Variants in CCDC146 observed in about 807,000 individuals in gnomAD.
The protein encoded by CCDC146 is coiled-coil domain-containing protein 146.
CCDC146 carries 92 observed loss-of-function variants against 119.3 expected under a neutral mutation model. That is an observed-to-expected ratio of 0.77 (90% CI 0.65 to 0.92). The LOEUF (loss-of-function observed/expected upper bound fraction) is 0.92. Among genes scored for constraint, CCDC146 ranks in the 40% least tolerant of loss-of-function variants. CCDC146 has a pLI of 0.00. For synonymous variants in CCDC146, 372 were observed against 371.8 expected, an observed-to-expected ratio of 1.00 and a Z score of -0.01; for missense variants, 1,000 against 1,103.0, an observed-to-expected ratio of 0.91 and a Z score of 1.32.
intron 1 of CCDC146, among the ~76,000 whole-genome samples, chr7:77,162,025 G>T (rs1408157919): frequency 6.6e-6 from 1 of 152,024 alleles, no homozygotes; most frequent in Non-Finnish European, 1.5e-5. Flanking sequence ...AGTTGTATAA[G>T]TTCCTTGTAT....
chr7:77,249,857 A>C (rs1793025835), intron 4 of CCDC146, among the ~76,000 whole-genome samples: 1 of 151,882 alleles, frequency 6.6e-6, no homozygotes, highest in African/African-American at 2.4e-5. Flanking sequence ...ACTGTTCTCT[A>C]TTTGTTGTGC....
chr7:77,284,540 A>T (rs984115791), intron 15 of CCDC146, among the ~76,000 whole-genome samples: 1 of 151,986 alleles, frequency 6.6e-6, no homozygotes, highest in Non-Finnish European at 1.5e-5. Flanking sequence ...AATTCAATAA[A>T]ATCTGCAACA....
chr7:77,139,252 C>T (rs1193902426), intron 1 of CCDC146, among the ~76,000 whole-genome samples: 3 of 152,060 alleles, frequency 2.0e-5, no homozygotes, highest in Admixed American at 6.5e-5. Flanking sequence ...TGAAAGAAAC[C>T]CATCTGAAAA....
intron 2 of CCDC146, among the ~76,000 whole-genome samples, chr7:77,229,558 C>T (rs1792579785): frequency 6.6e-6 from 1 of 152,162 alleles, no homozygotes; most frequent in African/African-American, 2.4e-5. Flanking sequence ...ACTCCAGCAC[C>T]ATTTACTGAA....
At chr7:77,240,526 C>A (rs1229472904) in intron 3 of CCDC146, among the ~76,000 whole-genome samples, 1 of 152,170 alleles carries the variant, frequency 6.6e-6, no homozygotes, top group Non-Finnish European at 1.5e-5. Flanking sequence ...TACTTTAAAT[C>A]ATTTCTAGAT....
chr7:77,292,298 T>G (rs1793959432), intron 17 of CCDC146, among the ~76,000 whole-genome samples: 1 of 99,138 alleles, frequency 1.0e-5, no homozygotes, highest in African/African-American at 4.4e-5. Flanking sequence ...TGTCTTTATT[T>G]TAATTTTTTT....
At chr7:77,236,264 CT>C (rs1421748528) in intron 2 of CCDC146, among the ~76,000 whole-genome samples, 4 of 152,140 alleles carry the variant, frequency 2.6e-5, no homozygotes, top group African/African-American at 9.7e-5. Context: ...TAATTATCAC[CT>C]AACTCAGAAA....
intron 4 of CCDC146, among the ~76,000 whole-genome samples, chr7:77,245,128 CTGGTTGGT>C (rs575494295): frequency 2.6e-5 from 4 of 152,058 alleles, no homozygotes; most frequent in Non-Finnish European, 5.9e-5. Flanking sequence ...ATCTAATTAT[CTGGTTGGT>C]TGGTTGGTTA....
At chr7:77,152,003 T>C (rs1791115089) in intron 1 of CCDC146, among the ~76,000 whole-genome samples, 2 of 152,184 alleles carry the variant, frequency 1.3e-5, no homozygotes, top group Admixed American at 6.5e-5. Flanking sequence ...CATCTGTGCT[T>C]CATCACATAA....
intron 2 of CCDC146, among the ~76,000 whole-genome samples, chr7:77,217,221 T>C (rs1414457266): frequency 1.3e-5 from 2 of 151,942 alleles, no homozygotes; most frequent in Non-Finnish European, 2.9e-5. Context: ...GGTACAGAGA[T>C]GGGCAAGAGA....
chr7:77,274,802 C>T, intron 11 of CCDC146, 150 bp downstream of exon 11: 1 of 591,770 alleles, frequency 1.7e-6, no homozygotes, highest in Admixed American at 3.2e-5. Context: ...ATTGCATGTT[C>T]TCACTCATAG....
chr7:77,152,143 C>T (rs1230414156), intron 1 of CCDC146, among the ~76,000 whole-genome samples: 2 of 152,164 alleles, frequency 1.3e-5, no homozygotes, highest in East Asian at 1.9e-4. Context: ...AAGACTTGTC[C>T]TAGGTAGATG....
chr7:77,244,233 G>A (rs1188906311), intron 4 of CCDC146, among the ~76,000 whole-genome samples: 1 of 152,124 alleles, frequency 6.6e-6, no homozygotes, highest in Non-Finnish European at 1.5e-5. Context: ...TTTAAGCTGT[G>A]TTATGAGTCA....
At chr7:77,288,598 C>T (rs1793890125) in intron 17 of CCDC146, among the ~76,000 whole-genome samples, 1 of 152,228 alleles carries the variant, frequency 6.6e-6, no homozygotes, top group Admixed American at 6.5e-5. Context: ...CACCTGGCCT[C>T]TGGGTTCCCT....
At chr7:77,201,848 G>T (rs890316932) in intron 2 of CCDC146, among the ~76,000 whole-genome samples, 1 of 151,888 alleles carries the variant, frequency 6.6e-6, no homozygotes, top group Non-Finnish European at 1.5e-5. Context: ...ACACTTCCCT[G>T]TTGGGAGGTA....
chr7:77,280,552 A>G lies in CCDC146; in HGVS notation c.1818A>G (p.Leu606=). 6.2e-7 allele frequency: 1 copy of G among 1,614,200 alleles called. No homozygotes were observed. The highest frequency in any genetic ancestry group is 8.5e-7 in the Non-Finnish European group (1 of 1,180,024). Residue 606 remains leucine (L), a synonymous_variant, in exon 14 of 19, where the codon TTA becomes TTG. Transcript: ENST00000285871. ...TGAAAGAAAAGAAGGAAGCCCAGTT[A>G]AATAACATTGACAGACTTGCCAACA... ...QEMKEKKEAQ[L]NNIDRLANTI...
chr7:77,189,766 G>T (rs572472532), intron 2 of CCDC146, among the ~76,000 whole-genome samples: 9 of 152,198 alleles, frequency 5.9e-5, no homozygotes, highest in Admixed American at 5.9e-4. Context: ...TGGGGCTTTT[G>T]CACCTAATGT....
In CCDC146 at chr7:77,250,496, A is replaced by G. The variant is rs138265821; in HGVS notation, c.450-4010A>G. On this transcript the variant is annotated intron_variant, in intron 4 of 18. Coordinates refer to ENST00000285871, the MANE Select transcript of CCDC146 (RefSeq NM_020879.3). ...TTTCTCTCAACACTTTAAATATTTC[A>G]CTCTACTCTCTTCTTGCATGTATGG... 2.2e-3 allele frequency among the ~76,000 whole-genome samples: 328 copies of G among 152,170 alleles called. 1 individual carries two copies. The highest frequency in any genetic ancestry group is 7.1e-3 in the African/African-American group (294 of 41,510).
At chr7:77,251,515 A>AGT (rs1793059959) in intron 4 of CCDC146, among the ~76,000 whole-genome samples, 1 of 152,062 alleles carries the variant, frequency 6.6e-6, no homozygotes, top group African/African-American at 2.4e-5. Flanking sequence ...TTTGCCTTTC[A>AGT]GTGTGCCTTG....
Sources: gnomAD v4.1 joint callset for allele counts (sites outside exome capture counted in the v4.1 genomes callset) on GRCh38, gnomAD v4.1.1 for gene constraint, MANE v1.5 for transcripts, NCBI Gene and HGNC (gene_info 2026-07-23, HGNC 2026-07-21) for gene names.